The following DPP10 variants were observed in gnomAD, a reference collection of about 807,000 sequenced individuals.
DPP10 encodes the protein inactive dipeptidyl peptidase 10.
DPP10 carries 33 observed loss-of-function variants against 120.9 expected under a neutral mutation model. That is an observed-to-expected ratio of 0.27 (90% confidence interval 0.21 to 0.37). The LOEUF (loss-of-function observed/expected upper bound fraction) is 0.37, where lower values mean the gene tolerates loss of function less well. Among genes scored for constraint, DPP10 ranks in the 10% least tolerant of loss-of-function variants. The pLI is 1.00. For missense variants in DPP10, 816 were observed against 942.8 expected, an observed-to-expected ratio of 0.87 and a Z score of 1.76; for synonymous variants, 337 against 326.1, an observed-to-expected ratio of 1.03 and a Z score of -0.36.
chr2:115,141,526 A>C (rs1009988763), intron 1 of DPP10, among the ~76,000 whole-genome samples: 1 of 152,222 alleles, frequency 6.6e-6, no homozygotes, highest in Admixed American at 6.5e-5. Context: ...CATCATTTCC[A>C]TCTGAAGAAG....
At chr2:114,599,736 G>A (rs1692214582) in intron 1 of DPP10, among the ~76,000 whole-genome samples, 1 of 151,648 alleles carries the variant, frequency 6.6e-6, no homozygotes, top group Non-Finnish European at 1.5e-5. Flanking sequence ...ATCATCACAT[G>A]CCCAAGCCAT....
At chr2:114,881,314 G>C (rs546474901) in intron 1 of DPP10, among the ~76,000 whole-genome samples, 1 of 152,140 alleles carries the variant, frequency 6.6e-6, no homozygotes, top group Admixed American at 6.5e-5. Flanking sequence ...GGTTTCCTCA[G>C]ATAATATTCA....
chr2:115,412,055 A>G (rs953819651), intron 3 of DPP10, among the ~76,000 whole-genome samples: 3 of 152,220 alleles, frequency 2.0e-5, no homozygotes, highest in Non-Finnish European at 4.4e-5. Context: ...TGAACCATGC[A>G]TGGTGCTAGG....
At chr2:114,663,688 G>GAGAGAA (rs1553479112) in intron 1 of DPP10, among the ~76,000 whole-genome samples, 28 of 147,472 alleles carry the variant, frequency 1.9e-4, no homozygotes, top group Non-Finnish European at 3.4e-4. Flanking sequence ...GAGAGAGAGA[G>GAGAGAA]AGAGAGAGAA....
At chr2:114,488,299 A>C (rs1456460279) in intron 1 of DPP10, among the ~76,000 whole-genome samples, 1 of 152,220 alleles carries the variant, frequency 6.6e-6, no homozygotes, top group South Asian at 2.1e-4. Flanking sequence ...TTGTTAGGTG[A>C]TCTCAAGTAA....
chr2:115,797,910 T>A (rs1684720179), intron 19 of DPP10, among the ~76,000 whole-genome samples: 1 of 151,600 alleles, frequency 6.6e-6, no homozygotes, highest in Non-Finnish European at 1.5e-5. Context: ...GTTTGGTGTT[T>A]ATTTTAACTG....
intron 21 of DPP10, among the ~76,000 whole-genome samples, chr2:115,834,983 G>A (rs1452959231): frequency 2.0e-5 from 3 of 152,014 alleles, no homozygotes; most frequent in African/African-American, 4.8e-5. Context: ...CTGCTCGGGA[G>A]GCTGAGGCAG....
At chr2:115,100,036 C>T (rs2048602052) in intron 1 of DPP10, among the ~76,000 whole-genome samples, 1 of 152,120 alleles carries the variant, frequency 6.6e-6, no homozygotes, top group Non-Finnish European at 1.5e-5. Context: ...ATGGATGATG[C>T]CACTCAAGAT....
intron 1 of DPP10, among the ~76,000 whole-genome samples, chr2:114,836,597 G>A (rs1218939329): frequency 1.1e-4 from 16 of 152,120 alleles, no homozygotes; most frequent in African/African-American, 3.9e-4. Flanking sequence ...CACAGGACTG[G>A]GGCGAAATTT....
chr2:115,234,073 TGAA>T (rs2057876706), intron 1 of DPP10: 3 of 401,920 alleles, frequency 7.5e-6, no homozygotes, highest in Non-Finnish European at 1.5e-5. Flanking sequence ...AGAATAATGA[TGAA>T]GAAGTGGTTG....
intron 4 of DPP10, among the ~76,000 whole-genome samples, chr2:115,509,743 G>A (rs547474860): frequency 1.8e-4 from 28 of 152,218 alleles, no homozygotes; most frequent in African/African-American, 6.3e-4. Context: ...AAAAGAAGGA[G>A]CAGAGTTGTG....
intron 1 of DPP10, among the ~76,000 whole-genome samples, chr2:114,615,887 T>G (rs1693637241): frequency 6.6e-6 from 1 of 152,102 alleles, no homozygotes; most frequent in African/African-American, 2.4e-5. Flanking sequence ...GAATACAGAG[T>G]TTGCCATTAC....
chr2:115,753,764 A>G (rs545898455), intron 11 of DPP10, among the ~76,000 whole-genome samples: 2 of 152,058 alleles, frequency 1.3e-5, no homozygotes, highest in Non-Finnish European at 2.9e-5. Flanking sequence ...TTCATGAACT[A>G]CTCTGTTTTG....
chr2:114,749,649 C>T lies in DPP10; in HGVS notation c.60+306811C>T, dbSNP rs756792894. The stretch of plus-strand genomic sequence containing the variant: ...TCGCCCAGGCTAGAGTGCAGCGGCA[C>T]GATCTTGGTTCACTGCAACCTCTGC... On this transcript the variant is annotated intron_variant, in intron 1 of 25. Transcript: ENST00000410059. Among the ~76,000 whole-genome samples the T allele has an allele frequency of 4.7e-5, 7 of 149,230 alleles. No individual in the cohort carries two copies. In the Middle Eastern group the frequency reaches 0.01, roughly 222 times the overall value.
intron 1 of DPP10, among the ~76,000 whole-genome samples, chr2:114,896,323 G>A (rs1053793157): frequency 6.6e-6 from 1 of 152,150 alleles, no homozygotes; most frequent in Non-Finnish European, 1.5e-5. Context: ...ATTACATTGG[G>A]AAGTATGGCC....
intron 13 of DPP10, among the ~76,000 whole-genome samples, chr2:115,771,051 G>A (rs1224088621): frequency 7.6e-6 from 1 of 131,232 alleles, no homozygotes; most frequent in African/African-American, 2.7e-5. Flanking sequence ...CAGATATACT[G>A]TACTGTATTT....
chr2:114,916,854 C>G (rs553172273), intron 1 of DPP10, among the ~76,000 whole-genome samples: 1 of 152,210 alleles, frequency 6.6e-6, no homozygotes, highest in African/African-American at 2.4e-5. Context: ...ACACCCACAG[C>G]TAAAACCATA....
intron 1 of DPP10, among the ~76,000 whole-genome samples, chr2:115,303,204 TAAA>T: frequency 6.6e-6 from 1 of 152,160 alleles, no homozygotes; most frequent in South Asian, 2.1e-4. Flanking sequence ...ACGAACTTAA[TAAA>T]AATTTAGAAT....
rs76502407 is a variant in DPP10 at position 114,787,385 on chromosome 2, C to G, written c.60+344547C>G. On this transcript the variant is annotated intron_variant, in intron 1 of 25. Coordinates refer to ENST00000410059, the MANE Select transcript of DPP10 (RefSeq NM_020868.6). The stretch of plus-strand genomic sequence containing the variant: ...TGGAAGCCATAGAGCTTCCTAATCC[C>G]TGGTTGGGAAACTCATTTTACTTCC... Among the ~76,000 whole-genome samples the G allele has an allele frequency of 4.3e-3, 662 of 152,308 alleles. 6 individuals are homozygous for G. The highest frequency in any genetic ancestry group is 0.015 in the African/African-American group (638 of 41,574).
Sources: allele counts gnomAD v4.1 joint callset (sites outside exome capture counted in the v4.1 genomes callset), GRCh38; gene constraint gnomAD v4.1.1; transcripts MANE v1.5; gene names NCBI Gene and HGNC (gene_info 2026-07-23, HGNC 2026-07-21).